The following ADGRL3 variants were observed in gnomAD, a reference collection of about 807,000 sequenced individuals.
The protein encoded by ADGRL3 is adhesion G protein-coupled receptor L3.
Under a neutral mutation model 153.5 loss-of-function variants are expected in ADGRL3, and 62 were observed. That is an observed-to-expected ratio of 0.40 (90% confidence interval 0.33 to 0.50). ADGRL3 has a LOEUF of 0.50. Among genes scored for constraint, ADGRL3 ranks in the 20% least tolerant of loss-of-function variants. The pLI, the probability that ADGRL3 is intolerant of heterozygous loss-of-function variation, is 0.47. For missense variants in ADGRL3, 1,641 were observed against 1,859.4 expected, an observed-to-expected ratio of 0.88 and a Z score of 2.16; for synonymous variants, 710 against 672.5, an observed-to-expected ratio of 1.06 and a Z score of -0.86.
At chr4:61,432,722 C>T (rs1381447004) in intron 2 of ADGRL3, among the ~76,000 whole-genome samples, 7 of 146,008 alleles carry the variant, frequency 4.8e-5, no homozygotes, top group Admixed American at 2.1e-4. Context: ...AGAGCGATCT[C>T]GGCGCACCGC....
At chr4:61,682,123 G>A (rs890258329) in intron 6 of ADGRL3, among the ~76,000 whole-genome samples, 1 of 151,928 alleles carries the variant, frequency 6.6e-6, no homozygotes. Context: ...ATAAATTTCA[G>A]TTTCTCCAAA....
At chr4:61,753,244 A>AAC (rs1438569112) in intron 8 of ADGRL3, among the ~76,000 whole-genome samples, 2 of 151,326 alleles carry the variant, frequency 1.3e-5, no homozygotes, top group African/African-American at 4.9e-5. Context: ...AAAAAAAAAA[A>AAC]ACAAAGATGA....
At chr4:61,837,022 T>C (rs2097947067) in intron 9 of ADGRL3, among the ~76,000 whole-genome samples, 3 of 152,126 alleles carry the variant, frequency 2.0e-5, no homozygotes, top group African/African-American at 4.8e-5. Context: ...TTTCAAATTC[T>C]TTTGAAAATT....
intron 5 of ADGRL3, among the ~76,000 whole-genome samples, chr4:61,646,945 A>C (rs1298827118): frequency 4.0e-5 from 6 of 151,744 alleles, no homozygotes; most frequent in African/African-American, 1.5e-4. Context: ...TGGGCGTAGG[A>C]CCCTCCGAGC....
At chr4:61,280,061 A>C (rs1036111616) in intron 1 of ADGRL3, among the ~76,000 whole-genome samples, 10 of 139,780 alleles carry the variant, frequency 7.2e-5, no homozygotes, top group African/African-American at 2.1e-4. Context: ...CAGGCAGTTT[A>C]TTTCTTTCTT....
At chr4:61,615,837 T>C (rs1311378206) in intron 5 of ADGRL3, among the ~76,000 whole-genome samples, 3 of 152,106 alleles carry the variant, frequency 2.0e-5, no homozygotes, top group African/African-American at 7.2e-5. Context: ...TATACTTGAA[T>C]TTATTAGTCT....
chr4:61,998,228 A>C lies in ADGRL3; in HGVS notation c.3358A>C (p.Ile1120Leu), dbSNP rs376395055. The change falls in exon 21 of 27, where the codon ATA (isoleucine) becomes CTA (leucine). Residue 1120 changes from isoleucine (I) to leucine (L), a missense_variant. This residue lies in a region of ADGRL3 where 517 missense variants were observed against 555.0 expected (regional missense o/e 0.93). Coordinates refer to ENST00000683033, the MANE Select transcript of ADGRL3 (RefSeq NM_001387552.1). ...ALYKMFHHTAILKPESGCLDN... is the reference protein window; with the variant it reads ...ALYKMFHHTALLKPESGCLDN... ...ATATAAAATGTTTCATCATACTGCT[A>C]TACTGAAACCTGAATCAGGCTGTCT... The C allele has an allele frequency of 1.3e-6, 2 of 1,588,584 alleles. No homozygotes were observed. The highest frequency in any genetic ancestry group is 1.8e-5 in the Admixed American group (1 of 54,906).
chr4:61,379,050 G>A (rs192020400), intron 1 of ADGRL3, among the ~76,000 whole-genome samples: 65 of 152,028 alleles, frequency 4.3e-4, no homozygotes, highest in Non-Finnish European at 5.3e-4. Context: ...CAGTGATGAG[G>A]ATTATGATAT....
chr4:61,444,682 G>C (rs1388669118), intron 2 of ADGRL3, among the ~76,000 whole-genome samples: 1 of 151,958 alleles, frequency 6.6e-6, no homozygotes, highest in East Asian at 1.9e-4. Flanking sequence ...ATTACTTATT[G>C]TTATGAGGTA....
chr4:61,575,534 G>T (rs553425171), intron 4 of ADGRL3, among the ~76,000 whole-genome samples: 25 of 151,886 alleles, frequency 1.6e-4, no homozygotes, highest in Non-Finnish European at 2.5e-4. Flanking sequence ...TGTATTTATT[G>T]ATTTTTAATG....
At chr4:61,832,988 G>A (rs1457118349) in intron 9 of ADGRL3, among the ~76,000 whole-genome samples, 1 of 151,788 alleles carries the variant, frequency 6.6e-6, no homozygotes, top group East Asian at 1.9e-4. Flanking sequence ...GCCATGTATA[G>A]TTCCTGAAGT....
In ADGRL3 at chr4:61,915,077, A is replaced by G. The variant is rs541547221; in HGVS notation, c.2112+2320A>G. 2.6e-5 allele frequency among the ~76,000 whole-genome samples: 4 copies of G among 152,002 alleles called. No homozygotes were observed. In the South Asian group the frequency reaches 8.3e-4, roughly 31 times the overall value. ...AATAAAGGCATTTTGTGAAAATATT[A>G]TTTAAAAGGAAAAGGAGAATTTCAA... On this transcript the variant is annotated intron_variant, in intron 13 of 26. Coordinates refer to ENST00000683033, the MANE Select transcript of ADGRL3 (RefSeq NM_001387552.1).
intron 6 of ADGRL3, among the ~76,000 whole-genome samples, chr4:61,681,686 G>C (rs1427086776): frequency 6.6e-6 from 1 of 151,886 alleles, no homozygotes; most frequent in Non-Finnish European, 1.5e-5. Context: ...AAAGAAAAAT[G>C]TATTACACGT....
chr4:61,444,239 T>A (rs1483484137), intron 2 of ADGRL3, among the ~76,000 whole-genome samples: 1 of 152,216 alleles, frequency 6.6e-6, no homozygotes. Context: ...TTTAGAAAGA[T>A]TGGAGCTTTG....
chr4:61,358,730 A>G (rs910115424), intron 1 of ADGRL3, among the ~76,000 whole-genome samples: 1 of 151,670 alleles, frequency 6.6e-6, no homozygotes, highest in African/African-American at 2.4e-5. Flanking sequence ...ATGATTTCTC[A>G]TGATCCTCTC....
At position 61,982,116 on chromosome 4, in the gene ADGRL3, C is replaced by T. The variant is rs890868100; in HGVS notation, c.3016-1267C>T. Among the ~76,000 whole-genome samples the T allele has an allele frequency of 2.0e-5, 3 of 152,146 alleles. No individual in the cohort carries two copies. The East Asian group carries it at 5.8e-4, about 29-fold the overall frequency. ...ATCATTTTATTCTCTTGTTAGCTTG[C>T]AATTCAAATGCTGTGTGATTTCTTT... is the stretch of plus-strand genomic sequence containing the variant. On this transcript the variant is annotated intron_variant, in intron 18 of 26. Coordinates refer to ENST00000683033, the MANE Select transcript of ADGRL3 (RefSeq NM_001387552.1).
chr4:61,263,202 A>G (rs986414568), intron 1 of ADGRL3, among the ~76,000 whole-genome samples: 1 of 152,070 alleles, frequency 6.6e-6, no homozygotes, highest in Admixed American at 6.6e-5. Context: ...CTGAATATAT[A>G]TCATTTTATT....
chr4:61,645,596 C>T (rs377135490), intron 5 of ADGRL3, among the ~76,000 whole-genome samples: 2 of 152,210 alleles, frequency 1.3e-5, no homozygotes, highest in Admixed American at 6.5e-5. Flanking sequence ...TTTTCTTTAA[C>T]AATGTTGAAT....
At chr4:61,927,903 C>A (rs1581498651) in intron 13 of ADGRL3, among the ~76,000 whole-genome samples, 1 of 151,960 alleles carries the variant, frequency 6.6e-6, no homozygotes, top group East Asian at 1.9e-4. Flanking sequence ...ATCTGTCTAT[C>A]TATCTATCTA....
Sources: allele counts gnomAD v4.1 joint callset (sites outside exome capture counted in the v4.1 genomes callset), GRCh38; gene constraint gnomAD v4.1.1; regional missense constraint gnomAD v4.1.1; transcripts MANE v1.5; gene names NCBI Gene and HGNC (gene_info 2026-07-23, HGNC 2026-07-21).